CASP4: variants seen among roughly 807,000 people sequenced by gnomAD.
The protein encoded by CASP4 is caspase 4.
Under a neutral mutation model 41.3 loss-of-function variants are expected in CASP4, and 29 were observed. The observed-to-expected ratio is 0.70, with a 90% CI of 0.52 to 0.96. CASP4 has a LOEUF of 0.96. CASP4 is among the 40% of genes least tolerant of loss of function. The pLI, the probability that CASP4 is intolerant of heterozygous loss-of-function variation, is 0.00. For synonymous variants in CASP4, 185 were observed against 158.4 expected, an observed-to-expected ratio of 1.17 and a Z score of -1.26; for missense variants, 447 against 460.6, an observed-to-expected ratio of 0.97 and a Z score of 0.27.
Position 104,951,025 on chromosome 11 carries a change from A to G in CASP4, c.446T>C (p.Leu149Pro). Residue 149 changes from leucine (L) to proline (P), a missense_variant, in exon 4 of 9, where the codon CTG (leucine) becomes CCG (proline). By Grantham distance (98) the Leu-to-Pro change is moderately conservative (BLOSUM62 -3). Transcript: ENST00000444739. Reference protein sequence around the residue: ...LIICNTEFDHLPPRNGADFDI... With the variant: ...LIICNTEFDHPPPRNGADFDI... ...AAAGTCAGCTCCATTCCTCGGAGGC[A>G]GATGGTCAAACTCTGTATTGCATAT... 1 of 1,613,554 alleles carries G rather than the reference A, an allele frequency of 6.2e-7. No individual in the cohort carries two copies. Among genetic ancestry groups the G allele is most frequent in the Non-Finnish European group, 8.5e-7 (1 of 1,179,626 alleles).
intron 5 of CASP4, chr11:104,949,332 A>G: frequency 3.5e-6 from 2 of 577,152 alleles, no homozygotes; most frequent in South Asian, 2.2e-5. Context: ...TTCACCACTT[A>G]CTGTGGATAA....
Position 104,949,556 on chromosome 11 carries a change from C to T in CASP4, c.768G>A (p.Gln256=). The change falls in exon 5 of 9, where the codon CAG becomes CAA. Residue 256 remains glutamine (Q), a synonymous_variant. Transcript: ENST00000444739. Reference sequence around the variant, plus strand: ...CTCAGCACTCACCACCTCTGCAGGCCTGGACAATGATGACCTTGGGTTTGT... The same window carrying T: ...CTCAGCACTCACCACCTCTGCAGGCTTGGACAATGATGACCTTGGGTTTGT... The part of the protein sequence containing the change: ...LKDKPKVIIV[Q]ACRGANRGEL... 1 of 1,613,890 alleles carries T rather than the reference C, an allele frequency of 6.2e-7. No individual in the cohort carries two copies. The highest frequency in any genetic ancestry group is 1.1e-5 in the South Asian group (1 of 91,080).
chr11:104,963,809 T>C (rs139449341), intron 1 of CASP4, among the ~76,000 whole-genome samples: 12 of 152,322 alleles, frequency 7.9e-5, no homozygotes, highest in Non-Finnish European at 1.6e-4. Context: ...TTCCTTCCTT[T>C]TGGGGATCTG....
intron 1 of CASP4, chr11:104,956,585 A>G (rs911611873): frequency 2.2e-6 from 2 of 927,800 alleles, no homozygotes; most frequent in South Asian, 5.0e-5. Flanking sequence ...TTAATTCATC[A>G]AACTACATTA....
chr11:104,968,236 C>G (rs1177843357), intron 1 of CASP4, among the ~76,000 whole-genome samples: 2 of 152,208 alleles, frequency 1.3e-5, no homozygotes, highest in Non-Finnish European at 2.9e-5. Context: ...AGAATTGTCT[C>G]ACACAAATAA....
intron 7 of CASP4, chr11:104,946,617 A>ACATGTACATG (rs1392394699): frequency 6.6e-6 from 1 of 152,114 alleles, no homozygotes. Flanking sequence ...GTCTTTATGG[A>ACATGTACATG]TCCTATCACA....
intron 1 of CASP4, among the ~76,000 whole-genome samples, chr11:104,957,215 A>G (rs1860755862): frequency 6.6e-6 from 1 of 152,196 alleles, no homozygotes; most frequent in South Asian, 2.1e-4. Context: ...AAATTGCAGG[A>G]TAAAAAAAAT....
chr11:104,966,307 T>A (rs56266444), intron 1 of CASP4, among the ~76,000 whole-genome samples: 279 of 149,170 alleles, frequency 1.9e-3, no homozygotes, highest in African/African-American at 6.9e-3. Flanking sequence ...GCATGTTCAT[T>A]CCCCTATCCA....
At position 104,950,908 on chromosome 11, in the gene CASP4, G is replaced by T; in HGVS notation, c.546+17C>A. ...TCTTGAATATGTATGTGTTTGTGGC[G>T]GCTGAGGGATTCTTACCCTGGCTGT... On this transcript the variant is annotated intron_variant, in intron 4 of 8. Coordinates refer to ENST00000444739, the MANE Select transcript of CASP4 (RefSeq NM_001225.4). 2 of 1,606,738 alleles carry T rather than the reference G, an allele frequency of 1.2e-6. No individual in the cohort carries two copies. Among genetic ancestry groups the T allele is most frequent in the South Asian group, 1.1e-5 (1 of 90,516 alleles).
chr11:104,958,485 C>T lies in CASP4; in HGVS notation c.8-3484G>A, dbSNP rs1191024789. Among the ~76,000 whole-genome samples, 7 of 152,038 alleles carry T rather than the reference C, an allele frequency of 4.6e-5. 1 individual carries two copies. The highest frequency in any genetic ancestry group is 1.5e-5 in the Non-Finnish European group (1 of 68,006). ...GCAAAGGACCAGAATAAACACTTTTCAAAAGAAGACATACAGAGAATATGT... is the reference window on the plus strand; with the variant it reads ...GCAAAGGACCAGAATAAACACTTTTTAAAAGAAGACATACAGAGAATATGT... On this transcript the variant is annotated intron_variant, in intron 1 of 8. Coordinates refer to ENST00000444739, the MANE Select transcript of CASP4 (RefSeq NM_001225.4).
In CASP4 at chr11:104,954,822, C is replaced by T. The variant is rs375442545; in HGVS notation, c.187G>A (p.Glu63Lys). Reference protein sequence around the residue: ...KVRVMADSMQEKQRMAGQMLL... With the variant: ...KVRVMADSMQKKQRMAGQMLL... ...ATTTGTCCTGCCATACGTTGCTTCT[C>T]TTGCATAGAGTCTGCCATGACCCGA... The change falls in exon 2 of 9, where the codon GAG becomes AAG. Residue 63 changes from glutamate to lysine, a missense_variant. By Grantham distance (56) the Glu-to-Lys change is moderately conservative. Transcript: ENST00000444739. 1.8e-5 allele frequency: 29 copies of T among 1,613,632 alleles called. No homozygotes were observed. The East Asian group carries it at 4.9e-4, about 27-fold the overall frequency.
In CASP4 at chr11:104,948,530, T is replaced by C. The variant is rs1177219746; in HGVS notation, c.925+3A>G. 3.8e-6 allele frequency: 6 copies of C among 1,599,186 alleles called. No individual in the cohort carries two copies. The highest frequency in any genetic ancestry group is 4.3e-6 in the Non-Finnish European group (5 of 1,170,734). Reference sequence around the variant, plus strand: ...TCCCTTACTGCCACTGAAAGATACATACGTGGCGTTGAAGAGCAGAAAGCA... The same window carrying C: ...TCCCTTACTGCCACTGAAAGATACACACGTGGCGTTGAAGAGCAGAAAGCA... On this transcript the variant is annotated splice_donor_region_variant and intron_variant, in intron 6 of 8. Coordinates refer to ENST00000444739, the MANE Select transcript of CASP4 (RefSeq NM_001225.4).
chr11:104,965,282 G>C (rs528083433), intron 1 of CASP4, among the ~76,000 whole-genome samples: 1 of 152,298 alleles, frequency 6.6e-6, no homozygotes, highest in Admixed American at 6.5e-5. Flanking sequence ...TAATGTTTTT[G>C]CATTGCAAGC....
chr11:104,961,470 C>G (rs1358052354), intron 1 of CASP4, among the ~76,000 whole-genome samples: 2 of 147,326 alleles, frequency 1.4e-5, no homozygotes, highest in African/African-American at 2.7e-5. Flanking sequence ...CTCGACTTGT[C>G]TGTAGCTCTA....
intron 6 of CASP4, chr11:104,947,426 T>A: frequency 3.5e-6 from 1 of 288,598 alleles, no homozygotes; most frequent in East Asian, 5.7e-5. Flanking sequence ...AGATTGTGTA[T>A]TGAAGAAATT....
chr11:104,952,671 C>T (rs969351141), intron 2 of CASP4, among the ~76,000 whole-genome samples: 2 of 152,084 alleles, frequency 1.3e-5, no homozygotes, highest in Non-Finnish European at 2.9e-5. Context: ...AATATTGAAT[C>T]TTGTACTTTC....
In CASP4 at chr11:104,947,195, A is replaced by G. The variant is rs761102948; in HGVS notation, c.926-3T>C. The G allele has an allele frequency of 1.9e-6, 3 of 1,559,024 alleles. No homozygotes were observed. Among genetic ancestry groups the G allele is most frequent in the South Asian group, 1.1e-5 (1 of 89,152 alleles). On this transcript the variant is annotated splice_region_variant and splice_polypyrimidine_tract_variant and intron_variant, in intron 6 of 8. Coordinates refer to ENST00000444739, the MANE Select transcript of CASP4 (RefSeq NM_001225.4). ...GCTGTCTCTCCAGGACACGTTGTCTATAATGATACAGATGGGTATGCCTTG... is the reference window on the plus strand; with the variant it reads ...GCTGTCTCTCCAGGACACGTTGTCTGTAATGATACAGATGGGTATGCCTTG...
chr11:104,950,445 G>T (rs1291524037), intron 4 of CASP4, among the ~76,000 whole-genome samples: 1 of 152,034 alleles, frequency 6.6e-6, no homozygotes, highest in East Asian at 1.9e-4. Flanking sequence ...CACACCTGGT[G>T]CTTGAAGTTG....
intron 2 of CASP4, among the ~76,000 whole-genome samples, chr11:104,953,915 A>C (rs1224902695): frequency 6.6e-6 from 1 of 152,218 alleles, no homozygotes; most frequent in Non-Finnish European, 1.5e-5. Flanking sequence ...TCGCAGAAGT[A>C]AGTAAGCACT....
Sources: gnomAD v4.1 joint callset for allele counts (sites outside exome capture counted in the v4.1 genomes callset) on GRCh38, gnomAD v4.1.1 for gene constraint, MANE v1.5 for transcripts, NCBI Gene and HGNC (gene_info 2026-07-23, HGNC 2026-07-21) for gene names.